The following MLXIPL variants were observed in gnomAD, a reference collection of about 807,000 sequenced individuals.
The protein encoded by MLXIPL is MLX interacting protein like.
MLXIPL carries 49 observed loss-of-function variants against 81.5 expected under a neutral mutation model. That is an observed-to-expected ratio of 0.60 (90% CI 0.48 to 0.76). The LOEUF is 0.76. MLXIPL is among the 30% of genes least tolerant of loss of function. MLXIPL has a pLI of 0.00. For missense variants in MLXIPL, 1,053 were observed against 1,167.0 expected (o/e 0.90, Z 1.42); for synonymous variants, 466 against 485.5 (o/e 0.96, Z 0.53).
Position 73,599,611 on chromosome 7 carries a change from G to A in MLXIPL, c.986C>T (p.Ser329Phe), listed in dbSNP as rs377757711. ...EPPSFSPVVD[S>F]LFSSGTLGPE... ...GCCCAGGGTCCCACTGCTGAAGAGG[G>A]AGTCAACCACGGGGCTGAAGCTGGG... The change falls in exon 8 of 17, where the codon TCC becomes TTC. Residue 329 changes from serine to phenylalanine, a missense_variant. Around this residue, in one of 3 missense-constraint regions of MLXIPL, gnomAD observed 823 missense variants for 933.0 expected, o/e 0.88. Transcript: ENST00000313375. 12 of 1,611,812 alleles carry A rather than the reference G, an allele frequency of 7.4e-6. No individual in the cohort carries two copies. The highest frequency in any genetic ancestry group is 1.0e-5 in the Non-Finnish European group (12 of 1,178,720).
chr7:73,597,066 T>C, intron 9 of MLXIPL, 116 bp downstream of exon 9: 1 of 1,448,792 alleles, frequency 6.9e-7, no homozygotes, highest in Non-Finnish European at 9.4e-7. Flanking sequence ...CTTGCCACTC[T>C]GTCCCTTGAA....
At chr7:73,625,271 C>T (rs936349582), upstream of MLXIPL, among the ~76,000 whole-genome samples, 1 of 152,114 alleles carries the variant, frequency 6.6e-6, no homozygotes, top group Non-Finnish European at 1.5e-5. Flanking sequence ...TCCTGTGAGG[C>T]CAGAGATCAC....
chr7:73,621,301 G>A (rs1356178691), intron 1 of MLXIPL, among the ~76,000 whole-genome samples: 1 of 151,438 alleles, frequency 6.6e-6, no homozygotes, highest in African/African-American at 2.4e-5. Context: ...ACCTCCCTGG[G>A]GCTTCCACCC....
At chr7:73,642,320 T>G in the MLXIPL span, among the ~76,000 whole-genome samples, 4 of 151,988 alleles carry the variant, frequency 2.6e-5, no homozygotes, top group Non-Finnish European at 4.4e-5. Flanking sequence ...GCCCAACATT[T>G]AGGGGTTTTT....
intron 1 of MLXIPL, among the ~76,000 whole-genome samples, chr7:73,619,022 G>A (rs1283682964): frequency 1.3e-5 from 2 of 152,184 alleles, no homozygotes; most frequent in African/African-American, 2.4e-5. Context: ...CGTAACGCTA[G>A]GGTTCAAGAA....
the MLXIPL span, among the ~76,000 whole-genome samples, chr7:73,635,607 T>C: frequency 6.6e-6 from 1 of 151,370 alleles, no homozygotes; most frequent in Admixed American, 6.6e-5. Flanking sequence ...TATCTATCCA[T>C]CCATCCATCT....
upstream of MLXIPL, chr7:73,624,650 T>A: frequency 7.6e-7 from 1 of 1,322,220 alleles, no homozygotes; most frequent in South Asian, 1.9e-5. Flanking sequence ...GCATAATCCT[T>A]ACGCCAGGTG....
At chr7:73,607,987 G>T (rs1233572619) in intron 2 of MLXIPL, among the ~76,000 whole-genome samples, 1 of 151,006 alleles carries the variant, frequency 6.6e-6, no homozygotes, top group East Asian at 2.0e-4. Context: ...CTCCTGAGTA[G>T]CTGGGATTAC....
intron 2 of MLXIPL, among the ~76,000 whole-genome samples, chr7:73,608,332 G>C (rs1402920008): frequency 6.6e-6 from 1 of 150,916 alleles, no homozygotes; most frequent in African/African-American, 2.4e-5. Flanking sequence ...GCTCACACCT[G>C]TAATCCCAGC....
upstream of MLXIPL, among the ~76,000 whole-genome samples, chr7:73,629,183 C>T (rs1478424003): frequency 6.6e-6 from 1 of 152,024 alleles, no homozygotes; most frequent in African/African-American, 2.4e-5. Context: ...GCTGGGATTA[C>T]AAGGGTGCAC....
rs1794390827 is a variant in MLXIPL at position 73,597,088 on chromosome 7, C to T, written c.1603+94G>A. The T allele has an allele frequency of 4.8e-6, 7 of 1,461,936 alleles. No individual in the cohort carries two copies. The East Asian group carries it at 1.7e-4, about 36-fold the overall frequency. The allele number at this position is 1,461,936 out of a possible 1,614,324, so 90.6% of individuals were successfully genotyped here. On this transcript the variant is annotated intron_variant, in intron 9 of 16. Coordinates refer to ENST00000313375, the MANE Select transcript of MLXIPL (RefSeq NM_032951.3). ...CTCTGTCCCTTGAACTGGACCTGCC[C>T]CTTCACCTTCATCTTCTGCTCCCAA...
At position 73,593,881 on chromosome 7, in the gene MLXIPL, A is replaced by T. The variant is rs1794043991; in HGVS notation, c.2543T>A (p.Leu848His). The change falls in exon 17 of 17, where the codon CTT becomes CAT. Residue 848 changes from leucine (L) to histidine (H), a missense_variant. Physicochemically the swap from Leu to His is moderately conservative, Grantham distance 99. This residue lies in a region of MLXIPL where 823 missense variants were observed against 933.0 expected (regional missense o/e 0.88). Transcript: ENST00000313375. ...TGGCCAGGACTATAAAGGTTTGCCAAGGGTGCCCTCTGTGACTGCCCGTGT... is the reference window on the plus strand; with the variant it reads ...TGGCCAGGACTATAAAGGTTTGCCATGGGTGCCCTCTGTGACTGCCCGTGT... ...QATRAVTEGTLGKPL is the reference protein window; with the variant it reads ...QATRAVTEGTHGKPL 6.2e-7 allele frequency: 1 copy of T among 1,613,980 alleles called. No homozygotes were observed. Among genetic ancestry groups the T allele is most frequent in the South Asian group, 1.1e-5 (1 of 91,094 alleles).
chr7:73,632,181 T>C, the MLXIPL span, among the ~76,000 whole-genome samples: 1 of 151,790 alleles, frequency 6.6e-6, no homozygotes, highest in African/African-American at 2.4e-5. Context: ...TTTATTTTTT[T>C]TGTAGAGGTG....
intron 15 of MLXIPL, among the ~76,000 whole-genome samples, chr7:73,595,201 C>G (rs2116152372): frequency 6.6e-6 from 1 of 152,196 alleles, no homozygotes; most frequent in African/African-American, 2.4e-5. Flanking sequence ...CTCTCAGTCC[C>G]CTCCTCCTTG....
chr7:73,596,960 C>T lies in MLXIPL; in HGVS notation c.1604-28G>A. 6.3e-7 allele frequency: 1 copy of T among 1,597,740 alleles called. No individual in the cohort carries two copies. Among genetic ancestry groups the T allele is most frequent in the Non-Finnish European group, 8.5e-7 (1 of 1,174,232 alleles). ...GTGCACGGGCAGAACCGTGAGGCTA[C>T]TGGGGCTGGCCCACCCCCGGCATCT... On this transcript the variant is annotated intron_variant, in intron 9 of 16. Transcript: ENST00000313375. The surrounding 1 kb of genome is among the most constrained non-coding windows in gnomAD (Gnocchi z 4.7).
upstream of MLXIPL, among the ~76,000 whole-genome samples, chr7:73,626,963 G>T (rs1325792206): frequency 2.6e-5 from 4 of 152,178 alleles, no homozygotes; most frequent in African/African-American, 9.7e-5. Context: ...TGCCCTGAGG[G>T]CCCCAGCCAC....
chr7:73,616,973 G>C (rs559626755), intron 1 of MLXIPL, among the ~76,000 whole-genome samples: 34 of 152,088 alleles, frequency 2.2e-4, no homozygotes, highest in Non-Finnish European at 4.6e-4. Flanking sequence ...GCCTGGTAGA[G>C]AGGGAGCCTC....
intron 2 of MLXIPL, among the ~76,000 whole-genome samples, chr7:73,608,603 AAG>A (rs141854486): frequency 0.1 from 15,309 of 151,730 alleles, 862 homozygotes; most frequent in Non-Finnish European, 0.13. Context: ...AAAAGAAAAA[AAG>A]AAAGTCCTGG....
At chr7:73,615,524 T>G (rs998529720) in intron 2 of MLXIPL, among the ~76,000 whole-genome samples, 3 of 152,162 alleles carry the variant, frequency 2.0e-5, no homozygotes, top group Non-Finnish European at 4.4e-5. Flanking sequence ...GTGCCCAGCT[T>G]CACAGTGGAA....
Sources: allele counts gnomAD v4.1 joint callset (sites outside exome capture counted in the v4.1 genomes callset), GRCh38; gene constraint gnomAD v4.1.1; regional missense constraint gnomAD v4.1.1; non-coding constraint Gnocchi (gnomAD v3.1); transcripts MANE v1.5; gene names NCBI Gene and HGNC (gene_info 2026-07-23, HGNC 2026-07-21).